EPM2A: variants seen among roughly 807,000 people sequenced by gnomAD.
EPM2A encodes laforin.
A neutral mutation model predicts 26.5 loss-of-function variants in EPM2A; 21 were observed. The ratio of observed to expected loss-of-function variants is 0.79; its 90% CI spans 0.56 to 1.14. The LOEUF (loss-of-function observed/expected upper bound fraction) is 1.14. Ranked by LOEUF, EPM2A falls within the 50% of genes most tolerant of loss-of-function variation. The pLI is 0.00. For synonymous variants in EPM2A, 217 were observed against 177.6 expected, an observed-to-expected ratio of 1.22 and a Z score of -1.76; for missense variants, 458 against 440.8, an observed-to-expected ratio of 1.04 and a Z score of -0.35.
intron 2 of EPM2A, among the ~76,000 whole-genome samples, chr6:145,610,413 A>G (rs1385149934): frequency 2.0e-5 from 3 of 152,226 alleles, no homozygotes; most frequent in Admixed American, 6.5e-5. Flanking sequence ...TAAAGCAAAA[A>G]GCACAAAGTA....
intron 2 of EPM2A, among the ~76,000 whole-genome samples, chr6:145,578,795 A>G (rs778866196): frequency 2.8e-4 from 42 of 152,198 alleles, no homozygotes; most frequent in Non-Finnish European, 5.1e-4. Context: ...CATCCCTACA[A>G]GATACCTTAT....
intron 2 of EPM2A, among the ~76,000 whole-genome samples, chr6:145,668,947 C>A (rs1172908211): frequency 6.6e-6 from 1 of 152,004 alleles, no homozygotes; most frequent in African/African-American, 2.4e-5. Context: ...AGAGCCTGTA[C>A]AAGTAGATGT....
intron 2 of EPM2A, chr6:145,680,036 A>G (rs1375615621): frequency 6.6e-6 from 1 of 152,172 alleles, no homozygotes; most frequent in Non-Finnish European, 1.5e-5. Context: ...TAATACCTAG[A>G]TCTAAAACCA....
chr6:145,470,560 G>C (rs1197401159), intron 4 of EPM2A, among the ~76,000 whole-genome samples: 1 of 152,044 alleles, frequency 6.6e-6, no homozygotes, highest in Non-Finnish European at 1.5e-5. Flanking sequence ...TTTTGACTGT[G>C]TCTAGTTTTC....
intron 2 of EPM2A, among the ~76,000 whole-genome samples, chr6:145,530,192 C>G (rs1305451706): frequency 2.6e-5 from 4 of 152,168 alleles, no homozygotes; most frequent in South Asian, 2.1e-4. Flanking sequence ...CTGTTTATGC[C>G]TTTCCCCTAA....
intron 1 of EPM2A, among the ~76,000 whole-genome samples, chr6:145,698,640 T>C (rs186529787): frequency 1.8e-4 from 27 of 151,156 alleles, no homozygotes; most frequent in African/African-American, 6.1e-4. Flanking sequence ...AAAGCAAAAG[T>C]AAAATTTAAT....
At chr6:145,581,338 A>G (rs1436752091) in intron 2 of EPM2A, among the ~76,000 whole-genome samples, 3 of 151,846 alleles carry the variant, frequency 2.0e-5, no homozygotes, top group Non-Finnish European at 4.4e-5. Flanking sequence ...TCTGTTTTTA[A>G]TGGGGTTGTC....
intron 2 of EPM2A, among the ~76,000 whole-genome samples, chr6:145,618,285 A>C (rs943203342): frequency 4.6e-5 from 7 of 152,224 alleles, no homozygotes; most frequent in Non-Finnish European, 8.8e-5. Flanking sequence ...CCAAGGATAC[A>C]AAAGATTGTT....
intron 2 of EPM2A, among the ~76,000 whole-genome samples, chr6:145,661,169 C>G (rs1044842895): frequency 3.9e-5 from 6 of 152,132 alleles, no homozygotes; most frequent in African/African-American, 1.4e-4. Context: ...GGGGCAAAAC[C>G]TGATAGATGA....
chr6:145,592,327 A>G (rs1007559537), intron 2 of EPM2A, among the ~76,000 whole-genome samples: 2 of 152,000 alleles, frequency 1.3e-5, no homozygotes, highest in Non-Finnish European at 2.9e-5. Flanking sequence ...ATGTCCCTAC[A>G]AAGGACATGA....
At chr6:145,537,399 C>T (rs889465330) in intron 2 of EPM2A, among the ~76,000 whole-genome samples, 3 of 152,142 alleles carry the variant, frequency 2.0e-5, no homozygotes, top group Admixed American at 6.5e-5. Flanking sequence ...GGTGATTAGA[C>T]ACAAATACTC....
At chr6:145,595,827 TTCTTA>T (rs1384182256) in intron 2 of EPM2A, among the ~76,000 whole-genome samples, 3 of 152,146 alleles carry the variant, frequency 2.0e-5, no homozygotes, top group African/African-American at 7.2e-5. Context: ...TTTTCTCATT[TTCTTA>T]TCTTTAATGT....
intron 4 of EPM2A, among the ~76,000 whole-genome samples, chr6:145,390,783 T>C (rs1173881845): frequency 2.0e-5 from 3 of 152,142 alleles, no homozygotes; most frequent in Non-Finnish European, 4.4e-5. Flanking sequence ...TGCTTGCTTG[T>C]CAATATACAA....
At position 145,635,317 on chromosome 6, in the gene EPM2A, T is replaced by A. The variant is rs1438663847; in HGVS notation, c.646A>T (p.Thr216Ser). The change falls in exon 3 of 4, where the codon ACT becomes TCT. Residue 216 changes from threonine (T) to serine (S), a missense_variant. Thr to Ser is a moderately conservative substitution (Grantham distance 58). Transcript: ENST00000367519. Reference protein sequence around the residue: ...NRYPEPMTPDTMIKLYREEGL... With the variant: ...NRYPEPMTPDSMIKLYREEGL... Reference sequence around the variant, plus strand: ...TCTTCCCTATATAGTTTAATCATAGTGTCTGGAGTCATGGGCTCTGGGTAG... The same window carrying A: ...TCTTCCCTATATAGTTTAATCATAGAGTCTGGAGTCATGGGCTCTGGGTAG... The A allele has an allele frequency of 6.2e-7, 1 of 1,614,130 alleles. No homozygotes were observed. The highest frequency in any genetic ancestry group is 8.5e-7 in the Non-Finnish European group (1 of 1,179,970).
intron 2 of EPM2A, among the ~76,000 whole-genome samples, chr6:145,541,231 T>C (rs1780505654): frequency 6.6e-6 from 1 of 151,068 alleles, no homozygotes. Flanking sequence ...TGTGTAAATA[T>C]ATAATTATAT....
intron 2 of EPM2A, among the ~76,000 whole-genome samples, chr6:145,534,262 G>A (rs1190468192): frequency 1.3e-5 from 2 of 152,128 alleles, no homozygotes; most frequent in East Asian, 1.9e-4. Flanking sequence ...GCTCTGAATG[G>A]GGTCATGCAT....
downstream of EPM2A, among the ~76,000 whole-genome samples, chr6:145,621,614 C>CT (rs775151848): frequency 0.026 from 3,642 of 142,340 alleles, 62 homozygotes; most frequent in East Asian, 0.074. Context: ...CTATCTCTTG[C>CT]TTTTTTTTTT....
intron 4 of EPM2A, among the ~76,000 whole-genome samples, chr6:145,441,880 A>G (rs1779067230): frequency 6.6e-6 from 1 of 152,058 alleles, no homozygotes. Flanking sequence ...CAACAAAACA[A>G]AAACAAAAAC....
intron 4 of EPM2A, among the ~76,000 whole-genome samples, chr6:145,433,809 C>T (rs1340673969): frequency 2.0e-5 from 3 of 152,068 alleles, no homozygotes; most frequent in Non-Finnish European, 2.9e-5. Flanking sequence ...TGAGGACTTA[C>T]TGTGGTTTTG....
Sources: allele counts gnomAD v4.1 joint callset (sites outside exome capture counted in the v4.1 genomes callset), GRCh38; gene constraint gnomAD v4.1.1; transcripts MANE v1.5; gene names NCBI Gene and HGNC (gene_info 2026-07-23, HGNC 2026-07-21).